The following TNPO1 variants were observed in gnomAD, a reference collection of about 807,000 sequenced individuals.
The protein encoded by TNPO1 is transportin 1.
A neutral mutation model predicts 119.5 loss-of-function variants in TNPO1; 8 were observed. The observed-to-expected ratio is 0.07, with a 90% CI of 0.04 to 0.12. The LOEUF (loss-of-function observed/expected upper bound fraction) is 0.12. Ranked by LOEUF, TNPO1 falls within the 10% of genes least tolerant of loss-of-function variation. The pLI is 1.00. For synonymous variants in TNPO1, 362 were observed against 363.0 expected, an observed-to-expected ratio of 1.00 and a Z score of 0.03; for missense variants, 576 against 1,089.8, an observed-to-expected ratio of 0.53 and a Z score of 6.64.
Position 72,911,204 on chromosome 5 carries a change from T to C in TNPO1, c.*2531T>C, listed in dbSNP as rs1197603631. The C allele has an allele frequency of 6.6e-6, 1 of 152,118 alleles. No homozygotes were observed. The highest frequency in any genetic ancestry group is 1.5e-5 in the Non-Finnish European group (1 of 67,966). 9.4% of individuals were successfully genotyped at this position (152,118 alleles called of 1,614,324 possible). The stretch of plus-strand genomic sequence containing the variant: ...CAGTAAAGTTATTTGAACCTGTGGT[T>C]GACAATTCTGTATTGACTAAAGGCA... On this transcript the variant is annotated 3_prime_UTR_variant, in exon 25 of 25. Coordinates refer to ENST00000337273, the MANE Select transcript of TNPO1 (RefSeq NM_002270.4).
intron 3 of TNPO1, among the ~76,000 whole-genome samples, chr5:72,852,499 T>C (rs1745660084): frequency 6.6e-6 from 1 of 152,200 alleles, no homozygotes; most frequent in Non-Finnish European, 1.5e-5. Context: ...TAAATATTTA[T>C]TGCGCAACTG....
At position 72,896,486 on chromosome 5, in the gene TNPO1, C is replaced by T. The variant is rs1749437827; in HGVS notation, c.2172C>T (p.Asn724=). 6.2e-7 allele frequency: 1 copy of T among 1,611,790 alleles called. No homozygotes were observed. The highest frequency in any genetic ancestry group is 8.5e-7 in the Non-Finnish European group (1 of 1,179,572). The change falls in exon 19 of 25, where the codon AAC becomes AAT. Residue 724 remains asparagine, a synonymous_variant. Coordinates refer to ENST00000337273, the MANE Select transcript of TNPO1 (RefSeq NM_002270.4). ...IADFMPILGT[N]LNPEFISVCN... ...ATTTCATGCCAATATTGGGAACCAA[C>T]CTAAATCCAGAATTCATTTCAGTCT...
intron 9 of TNPO1, chr5:72,878,888 G>A (rs1205836687): frequency 1.4e-5 from 7 of 507,728 alleles, no homozygotes; most frequent in Admixed American, 1.1e-4. Context: ...GAGGGGTACA[G>A]CATCACTCAG....
At chr5:72,874,304 A>C (rs981815765) in intron 7 of TNPO1, among the ~76,000 whole-genome samples, 3 of 152,150 alleles carry the variant, frequency 2.0e-5, no homozygotes, top group African/African-American at 7.2e-5. Flanking sequence ...CATTGTTTTC[A>C]TGGTATCATG....
At chr5:72,853,624 G>T (rs1745757805) in intron 3 of TNPO1, among the ~76,000 whole-genome samples, 1 of 150,574 alleles carries the variant, frequency 6.6e-6, no homozygotes, top group African/African-American at 2.4e-5. Context: ...GTTTTACGTT[G>T]GTGTAACACT....
chr5:72,835,345 T>A (rs1420090077), intron 1 of TNPO1, among the ~76,000 whole-genome samples: 1 of 152,234 alleles, frequency 6.6e-6, no homozygotes, highest in Non-Finnish European at 1.5e-5. Flanking sequence ...TGTTGCAAAA[T>A]ACCTTAGACT....
chr5:72,850,926 G>T (rs530613675), intron 2 of TNPO1, among the ~76,000 whole-genome samples: 4 of 151,954 alleles, frequency 2.6e-5, no homozygotes, highest in Admixed American at 6.6e-5. Flanking sequence ...TTTCTATTTA[G>T]AATGGTTTAA....
At chr5:72,882,364 A>T (rs556478567) in intron 9 of TNPO1, 103 bp from the exon 10 acceptor site, 1 of 788,490 alleles carries the variant, frequency 1.3e-6, no homozygotes, top group African/African-American at 1.7e-5. Context: ...CAATATTACC[A>T]TTGATTATCT....
At position 72,829,721 on chromosome 5, in the gene TNPO1, G is replaced by C. The variant is rs987825570; in HGVS notation, c.15+12969G>C. Among the ~76,000 whole-genome samples, 9 of 152,316 alleles carry C rather than the reference G, an allele frequency of 5.9e-5. No homozygotes were observed. The East Asian group carries it at 1.7e-3, about 29-fold the overall frequency. ...GAGGAACTAAACCAAATGAGAGTAT[G>C]TGATTGGTGTAGGATTTCCCAGCTG... On this transcript the variant is annotated intron_variant, in intron 1 of 24. Coordinates refer to ENST00000337273, the MANE Select transcript of TNPO1 (RefSeq NM_002270.4).
chr5:72,842,735 CTAA>C (rs1396895821), intron 1 of TNPO1, among the ~76,000 whole-genome samples: 1 of 152,094 alleles, frequency 6.6e-6, no homozygotes, highest in Non-Finnish European at 1.5e-5. Context: ...AAAAATTAAC[CTAA>C]TATTAAAGCT....
chr5:72,849,123 G>GT (rs1196345550), intron 2 of TNPO1, among the ~76,000 whole-genome samples: 5 of 152,228 alleles, frequency 3.3e-5, no homozygotes, highest in Admixed American at 1.3e-4. Flanking sequence ...GTTAACACCT[G>GT]TTGCGAACTC....
At position 72,887,167 on chromosome 5, in the gene TNPO1, T is replaced by C. The variant is rs747584815; in HGVS notation, c.1248T>C (p.His416=). Residue 416 remains histidine (H), a synonymous_variant, in exon 12 of 25, where the codon CAT becomes CAC. Coordinates refer to ENST00000337273, the MANE Select transcript of TNPO1 (RefSeq NM_002270.4). Reference sequence around the variant, plus strand: ...CCCTTTTGAAAGAATTACTTTTTCATCATGAATGGGTTGTTAAAGAATCAG... The same window carrying C: ...CCCTTTTGAAAGAATTACTTTTTCACCATGAATGGGTTGTTAAAGAATCAG... ...ILPLLKELLF[H]HEWVVKESGI... is the part of the protein sequence containing the mutation. 2.8e-5 allele frequency: 45 copies of C among 1,613,780 alleles called. No homozygotes were observed. The highest frequency in any genetic ancestry group is 4.0e-5 in the African/African-American group (3 of 74,906).
chr5:72,861,964 C>A, intron 5 of TNPO1, 50 bp downstream of exon 5: 3 of 1,433,458 alleles, frequency 2.1e-6, no homozygotes, highest in South Asian at 2.3e-5. Flanking sequence ...TTTTTCTTGT[C>A]ATGTTGTGTA....
chr5:72,838,796 C>T (rs1561298613), intron 1 of TNPO1, among the ~76,000 whole-genome samples: 1 of 152,098 alleles, frequency 6.6e-6, no homozygotes. Flanking sequence ...TAGAAACATT[C>T]GACCAGAAAT....
rs576315888 is a variant in TNPO1, at chr5:72,851,196, C to T, written c.130-48C>T. The T allele has an allele frequency of 7.7e-5, 88 of 1,138,316 alleles. No homozygotes were observed. The Middle Eastern group carries it at 8.7e-4, about 11-fold the overall frequency. 70.5% of individuals were successfully genotyped at this position (1,138,316 alleles called of 1,614,324 possible). The stretch of plus-strand genomic sequence containing the variant: ...TTTTTAGATTTAAAATGCTTAATTT[C>T]TTCCTGAGATTACACAGAGAAGTTT... On this transcript the variant is annotated intron_variant, in intron 2 of 24. Transcript: ENST00000337273.
At chr5:72,875,819 G>A (rs745327937) in intron 8 of TNPO1, 82 bp downstream of exon 8, 38 of 1,437,636 alleles carry the variant, frequency 2.6e-5, no homozygotes, top group Admixed American at 1.4e-4. Flanking sequence ...TACCGGATGG[G>A]AAGGGGACTA....
intron 1 of TNPO1, among the ~76,000 whole-genome samples, chr5:72,828,411 G>A (rs1421149682): frequency 6.6e-6 from 1 of 152,136 alleles, no homozygotes; most frequent in East Asian, 1.9e-4. Context: ...TTGAACTATA[G>A]AAAAGTAGTA....
chr5:72,817,147 C>T (rs1038735626), intron 1 of TNPO1, among the ~76,000 whole-genome samples: 10 of 152,232 alleles, frequency 6.6e-5, no homozygotes, highest in African/African-American at 2.2e-4. Context: ...TTCACTGGTT[C>T]TGGGCGCTGG....
Position 72,816,722 on chromosome 5 carries a change from G to A in TNPO1, c.-16G>A. On this transcript the variant is annotated 5_prime_UTR_variant, in exon 1 of 25. Transcript: ENST00000337273. ...TGCCGCTTCGGCCGAAGGCCCGAGCGCCCGAGGCGTCTGGGATGGTGTGGG... is the reference window on the plus strand; with the variant it reads ...TGCCGCTTCGGCCGAAGGCCCGAGCACCCGAGGCGTCTGGGATGGTGTGGG... 1 of 1,572,608 alleles carries A rather than the reference G, an allele frequency of 6.4e-7. No homozygotes were observed. Among genetic ancestry groups the A allele is most frequent in the Non-Finnish European group, 8.6e-7 (1 of 1,161,618 alleles).
Sources: gnomAD v4.1 joint callset for allele counts (sites outside exome capture counted in the v4.1 genomes callset) on GRCh38, gnomAD v4.1.1 for gene constraint, MANE v1.5 for transcripts, NCBI Gene and HGNC (gene_info 2026-07-23, HGNC 2026-07-21) for gene names.